TET3: variants seen among roughly 807,000 people sequenced by gnomAD.
The protein encoded by TET3 is tet methylcytosine dioxygenase 3.
Under a neutral mutation model 141.4 loss-of-function variants are expected in TET3, and 19 were observed. The observed-to-expected ratio is 0.13, with a 90% confidence interval of 0.09 to 0.20. The LOEUF is 0.20. Among genes scored for constraint, TET3 ranks in the 10% least tolerant of loss-of-function variants. TET3 has a pLI of 1.00. For missense variants in TET3, 1,874 were observed against 2,356.9 expected (o/e 0.80, Z 4.24); for synonymous variants, 1,043 against 980.9 (o/e 1.06, Z -1.18).
intron 7 of TET3, among the ~76,000 whole-genome samples, chr2:74,088,556 G>T (rs1005241443): frequency 6.6e-6 from 1 of 152,076 alleles, no homozygotes; most frequent in Non-Finnish European, 1.5e-5. Context: ...CAGAAGAATC[G>T]CTTGAACTCG....
chr2:73,991,463 A>T (rs746915517), intron 2 of TET3, among the ~76,000 whole-genome samples: 8 of 151,988 alleles, frequency 5.3e-5, no homozygotes, highest in Non-Finnish European at 1.2e-4. Flanking sequence ...GGTGCCTGTA[A>T]TCCCAGCTCC....
intron 3 of TET3, among the ~76,000 whole-genome samples, chr2:74,003,436 T>C (rs924636698): frequency 6.6e-6 from 1 of 150,516 alleles, no homozygotes; most frequent in African/African-American, 2.5e-5. Flanking sequence ...TTTTTTTTTT[T>C]TTTTCTTTTT....
Position 74,009,081 on chromosome 2 carries a change from G to A in TET3, c.360+5915G>A, listed in dbSNP as rs184253062. Among the ~76,000 whole-genome samples, 8 of 152,238 alleles carry A rather than the reference G, an allele frequency of 5.3e-5. No individual in the cohort carries two copies. In the East Asian group the frequency reaches 7.7e-4, roughly 15 times the overall value. On this transcript the variant is annotated intron_variant, in intron 3 of 11. Transcript: ENST00000409262. The stretch of plus-strand genomic sequence containing the variant: ...CTTTGCCTCCTCTGCAGCATCCACC[G>A]TCTCTCTCAAAATCCTTGTCCCCAG...
intron 3 of TET3, among the ~76,000 whole-genome samples, chr2:74,010,889 C>T (rs987896251): frequency 2.6e-5 from 4 of 152,138 alleles, no homozygotes; most frequent in East Asian, 1.9e-4. Context: ...AGAACTTAAG[C>T]GGGAAACTAT....
chr2:74,043,973 A>G (rs1204751254), intron 3 of TET3, among the ~76,000 whole-genome samples: 2 of 152,196 alleles, frequency 1.3e-5, no homozygotes, highest in Non-Finnish European at 2.9e-5. Flanking sequence ...CAGCCTGGGC[A>G]ACACAGCAAG....
intron 3 of TET3, among the ~76,000 whole-genome samples, chr2:74,015,542 A>T (rs1458508523): frequency 1.3e-5 from 2 of 152,174 alleles, no homozygotes; most frequent in Non-Finnish European, 2.9e-5. Context: ...GGTTGAAGAC[A>T]CCTTTCCATG....
chr2:74,107,791 ATGAAGTTTATCTGGGGTTGAT>A lies in TET3; in HGVS notation c.*5616_*5636del, dbSNP rs1691588922. Reference sequence around the variant, plus strand: ...ACTTTGTAAACTGTGGCTACTTGAAATGAAGTTTATCTGGGGTTGATGGATGAATGGTAGATTTTTGCAATG... The same window carrying A: ...ACTTTGTAAACTGTGGCTACTTGAAAGGATGAATGGTAGATTTTTGCAATG... On this transcript the variant is annotated 3_prime_UTR_variant, in exon 12 of 12. Coordinates refer to ENST00000409262, the MANE Select transcript of TET3 (RefSeq NM_001287491.2). The A allele has an allele frequency of 6.6e-6, 1 of 152,194 alleles. No individual in the cohort carries two copies. The highest frequency in any genetic ancestry group is 1.5e-5 in the Non-Finnish European group (1 of 68,036). 9.4% of individuals were successfully genotyped at this position (152,194 alleles called of 1,614,324 possible).
At chr2:74,034,045 G>A (rs1209706603) in intron 3 of TET3, among the ~76,000 whole-genome samples, 1 of 151,812 alleles carries the variant, frequency 6.6e-6, no homozygotes, top group Non-Finnish European at 1.5e-5. Context: ...GCAGTGAGCC[G>A]AGATCGTGCC....
At chr2:74,113,358 C>A in the TET3 span, among the ~76,000 whole-genome samples, 1 of 152,120 alleles carries the variant, frequency 6.6e-6, no homozygotes, top group South Asian at 2.1e-4. Context: ...TGTACTCCAG[C>A]CTGGGTGACA....
downstream of TET3, among the ~76,000 whole-genome samples, chr2:74,113,006 CAAAAAAAAAA>C (rs60299737): frequency 5.8e-4 from 20 of 34,394 alleles, no homozygotes; most frequent in Admixed American, 3.9e-3. Flanking sequence ...GACTCCGTCT[CAAAAAAAAAA>C]AAAAAAAAAA....
At chr2:74,129,161 T>G in the TET3 span, among the ~76,000 whole-genome samples, 2 of 149,362 alleles carry the variant, frequency 1.3e-5, no homozygotes, top group Non-Finnish European at 3.0e-5. Context: ...AATACAAACT[T>G]AGCTGGGCAT....
intron 3 of TET3, among the ~76,000 whole-genome samples, chr2:74,025,381 C>G (rs947736380): frequency 1.3e-5 from 2 of 150,932 alleles, no homozygotes; most frequent in African/African-American, 4.9e-5. Flanking sequence ...CTCTGCCTCC[C>G]GGCTTCACGC....
At chr2:74,059,212 T>C (rs1688368847) in intron 4 of TET3, among the ~76,000 whole-genome samples, 1 of 152,250 alleles carries the variant, frequency 6.6e-6, no homozygotes, top group Admixed American at 6.5e-5. Flanking sequence ...ATGATGTGTT[T>C]GTGAGATTCA....
chr2:74,114,915 C>G, the TET3 span, among the ~76,000 whole-genome samples: 3 of 131,296 alleles, frequency 2.3e-5, no homozygotes, highest in Admixed American at 8.1e-5. Flanking sequence ...AAGAAGAAAA[C>G]TAGAATCCCA....
At position 74,048,408 on chromosome 2, in the gene TET3, GT is replaced by G; in HGVS notation, c.2492del (p.Val831AlafsTer4). 1 of 1,604,528 alleles carries G rather than the reference GT, an allele frequency of 6.2e-7. No individual in the cohort carries two copies. Among genetic ancestry groups the G allele is most frequent in the South Asian group, 1.1e-5 (1 of 90,482 alleles). ...AQAEFPTCDC[V>X]EQIVEKDEGP... is the part of the protein sequence containing the mutation. Reference sequence around the variant, plus strand: ...GGCCGAGTTCCCCACCTGCGATTGCGTCGGTAAGTCCGCCTGGGTATCAGGG... The same window carrying G: ...GGCCGAGTTCCCCACCTGCGATTGCGCGGTAAGTCCGCCTGGGTATCAGGG... On this transcript the variant is annotated frameshift_variant and splice_region_variant, in exon 4 of 12. Transcript: ENST00000409262. LOFTEE classifies it high-confidence loss of function.
rs1402232299 is a variant in TET3 at position 74,102,356 on chromosome 2, CT to C, written c.*181del. On this transcript the variant is annotated 3_prime_UTR_variant, in exon 12 of 12. Transcript: ENST00000409262. Reference sequence around the variant, plus strand: ...TCCAAACCTCAGAACTGACCCGCCCCTCCCTTACCCCCACTTCCCCAGCACT... The same window carrying C: ...TCCAAACCTCAGAACTGACCCGCCCCCCCTTACCCCCACTTCCCCAGCACT... 4 of 960,266 alleles carry C rather than the reference CT, an allele frequency of 4.2e-6. No individual in the cohort carries two copies. Among genetic ancestry groups the C allele is most frequent in the Non-Finnish European group, 5.4e-6 (4 of 742,732 alleles). The allele number at this position is 960,266 out of a possible 1,614,324, so 59.5% of individuals were successfully genotyped here.
chr2:74,099,659 T>A, intron 11 of TET3, 47 bp downstream of exon 11: 1 of 1,482,568 alleles, frequency 6.7e-7, no homozygotes, highest in East Asian at 2.5e-5. Context: ...GGCACTGTCC[T>A]CATGGGGGCC....
At chr2:74,062,947 G>T (rs918348686) in intron 4 of TET3, among the ~76,000 whole-genome samples, 1 of 148,646 alleles carries the variant, frequency 6.7e-6, no homozygotes, top group Non-Finnish European at 1.5e-5. Context: ...GCAGTGGCGC[G>T]ATCTCGTCTC....
At chr2:74,049,736 T>A (rs1439659192) in intron 4 of TET3, among the ~76,000 whole-genome samples, 2 of 152,140 alleles carry the variant, frequency 1.3e-5, no homozygotes, top group Non-Finnish European at 2.9e-5. Flanking sequence ...GCTGGGCTGT[T>A]CTGCCTCCTC....
Sources: allele counts gnomAD v4.1 joint callset (sites outside exome capture counted in the v4.1 genomes callset), GRCh38; gene constraint gnomAD v4.1.1; transcripts MANE v1.5; gene names NCBI Gene and HGNC (gene_info 2026-07-23, HGNC 2026-07-21).